Variants in CLEC19A observed in about 807,000 individuals in gnomAD.
CLEC19A encodes the protein C-type lectin domain containing 19A, also known as C-type lectin domain family 19 member A.
CLEC19A carries 21 observed loss-of-function variants against 26.1 expected under a neutral mutation model. The observed-to-expected ratio is 0.80, with a 90% CI of 0.57 to 1.16. The LOEUF is 1.16. CLEC19A is among the 50% of genes most tolerant of loss of function. CLEC19A has a pLI of 0.00. For synonymous variants in CLEC19A, 89 were observed against 88.6 expected (o/e 1.00, Z -0.03); for missense variants, 224 against 227.6 (o/e 0.98, Z 0.10).
chr16:19,298,693 C>A lies in CLEC19A; in HGVS notation c.109C>A (p.Pro37Thr). 3 of 1,551,206 alleles carry A rather than the reference C, an allele frequency of 1.9e-6. No individual in the cohort carries two copies. Among genetic ancestry groups the A allele is most frequent in the Non-Finnish European group, 1.7e-6 (2 of 1,147,126 alleles). The change falls in exon 2 of 5, where the codon CCT (proline) becomes ACT (threonine). Residue 37 changes from proline to threonine, a missense_variant. Transcript: ENST00000636231. ...ISPALPELPL[P>T]SLCPLFWMEF... ...CCCAGCCCTGCCAGAGCTGCCCCTG[C>A]CTTCCCTGTGCCCCCTGTTCTGGAT...
At chr16:19,298,600 A>G in intron 1 of CLEC19A, 73 bp from the exon 2 acceptor site, 1 of 1,421,404 alleles carries the variant, frequency 7.0e-7, no homozygotes, top group African/African-American at 1.4e-5. Context: ...AGAAAAGAAA[A>G]TAGGTTCTAA....
At chr16:19,297,887 T>G (rs60141251) in intron 1 of CLEC19A, among the ~76,000 whole-genome samples, 5,066 of 152,196 alleles carry the variant, frequency 0.033, 306 homozygotes, top group African/African-American at 0.12. Flanking sequence ...TATGTATATG[T>G]TTTTTGGACC....
intron 3 of CLEC19A, among the ~76,000 whole-genome samples, chr16:19,306,345 CTA>C (rs1897954295): frequency 6.6e-6 from 1 of 151,890 alleles, no homozygotes; most frequent in Non-Finnish European, 1.5e-5. Flanking sequence ...CAGGGTCCCA[CTA>C]TGTTGCCCAG....
At chr16:19,298,586 G>A in intron 1 of CLEC19A, 87 bp from the exon 2 acceptor site, 1 of 1,362,290 alleles carries the variant, frequency 7.3e-7, no homozygotes, top group Non-Finnish European at 9.9e-7. Flanking sequence ...TTAAAAGATT[G>A]TAAAGAAAAG....
intron 2 of CLEC19A, among the ~76,000 whole-genome samples, chr16:19,303,145 A>G (rs1897870835): frequency 6.6e-6 from 1 of 152,220 alleles, no homozygotes; most frequent in South Asian, 2.1e-4. Context: ...AAATGAGTTC[A>G]TGCACTTAAG....
At chr16:19,291,696 A>T (rs7197635) in intron 1 of CLEC19A, among the ~76,000 whole-genome samples, 76,832 of 152,062 alleles carry the variant, frequency 0.51, 19,616 homozygotes, top group South Asian at 0.58. Context: ...TGAAAGGCCT[A>T]CTATTCCCAA....
chr16:19,308,621 A>G (rs1421797939), intron 4 of CLEC19A, among the ~76,000 whole-genome samples: 1 of 152,152 alleles, frequency 6.6e-6, no homozygotes, highest in African/African-American at 2.4e-5. Context: ...TAAGTAGTGG[A>G]GCTGGGTTTC....
chr16:19,303,577 T>C (rs555512886), intron 2 of CLEC19A, among the ~76,000 whole-genome samples: 213 of 152,272 alleles, frequency 1.4e-3, no homozygotes, highest in Non-Finnish European at 2.6e-3. Flanking sequence ...AGTTGAAGCC[T>C]AGAGCTGAGT....
intron 1 of CLEC19A, among the ~76,000 whole-genome samples, chr16:19,297,099 T>A (rs1246706366): frequency 2.0e-5 from 3 of 152,172 alleles, no homozygotes; most frequent in South Asian, 2.1e-4. Flanking sequence ...AAAAAAAGTA[T>A]CTCTTAAGAA....
intron 1 of CLEC19A, among the ~76,000 whole-genome samples, chr16:19,288,455 G>A (rs541391803): frequency 6.6e-6 from 1 of 152,072 alleles, no homozygotes; most frequent in African/African-American, 2.4e-5. Context: ...GCATAACAGG[G>A]CACAGGTCAT....
intron 4 of CLEC19A, among the ~76,000 whole-genome samples, 157 bp downstream of exon 4, chr16:19,307,834 C>T (rs535612663): frequency 3.9e-5 from 6 of 152,070 alleles, no homozygotes; most frequent in African/African-American, 1.4e-4. Context: ...ACTAGGGTGT[C>T]GGGGGCATGG....
At chr16:19,301,625 G>A (rs773800311) in intron 2 of CLEC19A, among the ~76,000 whole-genome samples, 40 of 151,624 alleles carry the variant, frequency 2.6e-4, no homozygotes, top group Non-Finnish European at 5.3e-4. Context: ...GTGCAGTGGC[G>A]TGATCTCGGC....
At chr16:19,290,104 A>G (rs1206032902) in intron 1 of CLEC19A, among the ~76,000 whole-genome samples, 4 of 151,832 alleles carry the variant, frequency 2.6e-5, no homozygotes, top group African/African-American at 4.8e-5. Context: ...TTCAGTAGGA[A>G]GGTGACAATT....
chr16:19,287,149 C>T (rs145780524), intron 1 of CLEC19A, among the ~76,000 whole-genome samples: 8 of 151,670 alleles, frequency 5.3e-5, no homozygotes, highest in South Asian at 2.1e-4. Context: ...GCTCAGGCTG[C>T]GAATATCACA....
At chr16:19,289,640 A>C (rs1897540374) in intron 1 of CLEC19A, among the ~76,000 whole-genome samples, 1 of 152,112 alleles carries the variant, frequency 6.6e-6, no homozygotes, top group Non-Finnish European at 1.5e-5. Context: ...GGCTGATCTC[A>C]AGGAGTCACA....
intron 3 of CLEC19A, chr16:19,304,744 A>G (rs1897914854): frequency 1.3e-5 from 2 of 152,538 alleles, no homozygotes; most frequent in South Asian, 4.1e-4. Context: ...GATGTGCAAG[A>G]GATGTTGGAG....
Position 19,292,241 on chromosome 16 carries a change from A to G in CLEC19A, c.88+6302A>G, listed in dbSNP as rs187133581. Among the ~76,000 whole-genome samples the G allele has an allele frequency of 7.2e-5, 11 of 152,306 alleles. No individual in the cohort carries two copies. In the South Asian group the frequency reaches 1.0e-3, roughly 14 times the overall value. On this transcript the variant is annotated intron_variant, in intron 1 of 4. Coordinates refer to ENST00000636231, the MANE Select transcript of CLEC19A (RefSeq NM_001256720.2). Reference sequence around the variant, plus strand: ...GGCTTCCCAGATTTTCACATTCACAAGAATCACCTGGGGCTCTTATGAAAA... The same window carrying G: ...GGCTTCCCAGATTTTCACATTCACAGGAATCACCTGGGGCTCTTATGAAAA...
At chr16:19,298,482 A>C (rs947213380) in intron 1 of CLEC19A, among the ~76,000 whole-genome samples, 191 bp from the exon 2 acceptor site, 3 of 152,050 alleles carry the variant, frequency 2.0e-5, no homozygotes. Flanking sequence ...TGGGAGTATC[A>C]CTTGAGCTGA....
chr16:19,310,742 A>G lies in CLEC19A; in HGVS notation c.*1659A>G, dbSNP rs553888082. On this transcript the variant is annotated 3_prime_UTR_variant, in exon 5 of 5. Transcript: ENST00000636231. ...AAATATCCAGAATAGGCAAGTCTAT[A>G]GAGATGGAAAGTGGATTAGTGGTTG... 1 of 152,374 alleles carries G rather than the reference A, an allele frequency of 6.6e-6. No individual in the cohort carries two copies. Among genetic ancestry groups the G allele is most frequent in the South Asian group, 2.1e-4 (1 of 4,824 alleles). The allele number at this position is 152,374 out of a possible 1,614,324, so 9.4% of individuals were successfully genotyped here. A position where few individuals can be genotyped will look rare whatever the true frequency, so the allele number is the denominator to read the frequency against.
Sources: allele counts gnomAD v4.1 joint callset (sites outside exome capture counted in the v4.1 genomes callset), GRCh38; gene constraint gnomAD v4.1.1; transcripts MANE v1.5; gene names NCBI Gene and HGNC (gene_info 2026-07-23, HGNC 2026-07-21).